The following DIAPH3 variants were observed in gnomAD, a reference collection of about 807,000 sequenced individuals.
The protein encoded by DIAPH3 is diaphanous related formin 3, also known as protein diaphanous homolog 3.
In DIAPH3, 117 loss-of-function variants were observed where a neutral mutation model predicts 144.3. That is an observed-to-expected ratio of 0.81 (90% CI 0.70 to 0.95). The LOEUF (loss-of-function observed/expected upper bound fraction) is 0.95. Among genes scored for constraint, DIAPH3 ranks in the 40% least tolerant of loss-of-function variants. DIAPH3 has a pLI of 0.00. For missense variants in DIAPH3, 1,421 were observed against 1,412.7 expected (o/e 1.01, Z -0.09); for synonymous variants, 519 against 488.9 (o/e 1.06, Z -0.81).
chr13:60,111,758 A>G (rs932280760), intron 3 of DIAPH3, among the ~76,000 whole-genome samples: 8 of 152,220 alleles, frequency 5.3e-5, no homozygotes, highest in Non-Finnish European at 8.8e-5. Context: ...ACTCAAGACA[A>G]AAATATACCG....
intron 4 of DIAPH3, among the ~76,000 whole-genome samples, chr13:60,045,009 T>C (rs964487763): frequency 3.3e-5 from 5 of 152,192 alleles, no homozygotes; most frequent in African/African-American, 9.6e-5. Context: ...TCCCCAGCCA[T>C]GTGAAACTGT....
At chr13:59,798,306 T>G (rs2039719109) in intron 25 of DIAPH3, among the ~76,000 whole-genome samples, 6 of 152,184 alleles carry the variant, frequency 3.9e-5, no homozygotes, top group Admixed American at 3.9e-4. Flanking sequence ...ATCATATCAC[T>G]GCTCTGTTTA....
At chr13:59,780,005 G>A (rs2038654686) in intron 25 of DIAPH3, among the ~76,000 whole-genome samples, 1 of 151,974 alleles carries the variant, frequency 6.6e-6, no homozygotes, top group South Asian at 2.1e-4. Context: ...ATGTTCACCT[G>A]GCATATGGTA....
intron 27 of DIAPH3, among the ~76,000 whole-genome samples, chr13:59,743,237 G>T (rs769887572): frequency 2.8e-4 from 43 of 152,328 alleles, no homozygotes; most frequent in Middle Eastern, 6.8e-3. Context: ...GAATGATTGG[G>T]ATGTTACTGC....
At chr13:59,945,152 T>A (rs1270773020) in intron 17 of DIAPH3, among the ~76,000 whole-genome samples, 3 of 152,060 alleles carry the variant, frequency 2.0e-5, no homozygotes, top group Non-Finnish European at 4.4e-5. Context: ...ACACCTCAAA[T>A]CTCATCTCCT....
intron 27 of DIAPH3, among the ~76,000 whole-genome samples, chr13:59,709,440 G>A (rs56333156): frequency 0.027 from 4,156 of 152,238 alleles, 86 homozygotes; most frequent in Non-Finnish European, 0.039. Context: ...CGAAGGACAT[G>A]AACAGACACT....
In DIAPH3 at chr13:59,839,377, C is replaced by A; in HGVS notation, c.2809G>T (p.Glu937Ter). ...RQLQQLEKEL[E>*]TFPPPEDLHD... is the part of the protein sequence containing the mutation. ...AAGTCCTCAGGAGGGGGAAAGGTTT[C>A]CAATTCCTTCTCAAGCTGTTGAAGC... Residue 937 changes from glutamate (E) to a stop codon, truncating the protein, a stop_gained, in exon 23 of 28, where the codon GAA (glutamate) becomes TAA (stop). Coordinates refer to ENST00000400324, the MANE Select transcript of DIAPH3 (RefSeq NM_001042517.2). LOFTEE classifies it high-confidence loss of function. 1.2e-6 allele frequency: 2 copies of A among 1,613,752 alleles called. No homozygotes were observed. Among genetic ancestry groups the A allele is most frequent in the South Asian group, 2.2e-5 (2 of 91,082 alleles).
chr13:59,686,588 G>A (rs986020499), intron 27 of DIAPH3, among the ~76,000 whole-genome samples: 1 of 151,240 alleles, frequency 6.6e-6, no homozygotes, highest in African/African-American at 2.4e-5. Flanking sequence ...ATGTGTTCAC[G>A]GACAAAACAT....
rs77119363 is a variant in DIAPH3 at position 59,815,191 on chromosome 13, A to G, written c.3028-4268T>C. Reference sequence around the variant, plus strand: ...GCAAAGTCACTTCTTTTGGATTTCAATTAGCACATGTGTGTTGCTTCATTT... The same window carrying G: ...GCAAAGTCACTTCTTTTGGATTTCAGTTAGCACATGTGTGTTGCTTCATTT... On this transcript the variant is annotated intron_variant, in intron 24 of 27. Coordinates refer to ENST00000400324, the MANE Select transcript of DIAPH3 (RefSeq NM_001042517.2). Among the ~76,000 whole-genome samples, 413 of 152,298 alleles carry G rather than the reference A, an allele frequency of 2.7e-3. 2 individuals carry two copies. The highest frequency in any genetic ancestry group is 4.6e-3 in the Non-Finnish European group (313 of 68,014).
At chr13:59,867,436 T>C (rs1357383600) in intron 21 of DIAPH3, among the ~76,000 whole-genome samples, 1 of 152,038 alleles carries the variant, frequency 6.6e-6, no homozygotes, top group Non-Finnish European at 1.5e-5. Context: ...TACTAAGGCA[T>C]ATAAATACTA....
chr13:59,927,658 C>G (rs974820327), intron 17 of DIAPH3, among the ~76,000 whole-genome samples: 1 of 152,218 alleles, frequency 6.6e-6, no homozygotes, highest in Admixed American at 6.5e-5. Flanking sequence ...CTGAGTAAAG[C>G]ATTCTTACCT....
Position 59,969,969 on chromosome 13 carries a change from C to T in DIAPH3, c.2049G>A (p.Glu683=), listed in dbSNP as rs372054806. 1.8e-4 allele frequency: 284 copies of T among 1,606,026 alleles called. No individual in the cohort carries two copies. The highest frequency in any genetic ancestry group is 2.3e-4 in the Non-Finnish European group (275 of 1,175,494). Reference sequence around the variant, plus strand: ...CTTTTTGTTGGCAACAAAATGTATTCTCAAGTTTACAAAGCAAATCCACGT... The same window carrying T: ...CTTTTTGTTGGCAACAAAATGTATTTTCAAGTTTACAAAGCAAATCCACGT... ...YENVDLLCKL[E]NTFCCQQKER... is the part of the protein sequence containing the mutation. The change falls in exon 17 of 28, where the codon GAG becomes GAA. Residue 683 remains glutamate (E), a synonymous_variant. Transcript: ENST00000400324.
chr13:59,962,610 C>T (rs1333953422), intron 17 of DIAPH3, among the ~76,000 whole-genome samples: 3 of 152,126 alleles, frequency 2.0e-5, no homozygotes, highest in Admixed American at 1.3e-4. Flanking sequence ...CCCTCACAGG[C>T]ATCATTTGTT....
In DIAPH3 at chr13:60,155,854, G is replaced by T. The variant is rs571314937; in HGVS notation, c.180+7733C>A. On this transcript the variant is annotated intron_variant, in intron 1 of 27. Transcript: ENST00000400324. ...GGTTTTGGTTGTTATTCCAGTGGTG[G>T]TTTATTTTTCTATTGTAATTTGGTT... is the stretch of plus-strand genomic sequence containing the variant. 2.6e-5 allele frequency among the ~76,000 whole-genome samples: 4 copies of T among 152,272 alleles called. No individual in the cohort carries two copies. In the East Asian group the frequency reaches 7.7e-4, roughly 29 times the overall value.
intron 5 of DIAPH3, among the ~76,000 whole-genome samples, chr13:60,020,352 A>G (rs1370155177): frequency 1.3e-5 from 2 of 152,136 alleles, no homozygotes; most frequent in African/African-American, 4.8e-5. Flanking sequence ...CAGAACTGTT[A>G]TTTGCCCATA....
intron 1 of DIAPH3, among the ~76,000 whole-genome samples, chr13:60,145,052 G>A (rs376040060): frequency 5.9e-5 from 9 of 152,220 alleles, no homozygotes; most frequent in South Asian, 2.1e-4. Context: ...GACACTTTGC[G>A]ATTACTAGTA....
chr13:59,981,355 A>G (rs1006223288), intron 13 of DIAPH3, among the ~76,000 whole-genome samples: 3 of 151,470 alleles, frequency 2.0e-5, no homozygotes, highest in Non-Finnish European at 3.0e-5. Context: ...AGTTGACATG[A>G]GGAAACCAAT....
intron 17 of DIAPH3, among the ~76,000 whole-genome samples, chr13:59,967,346 A>G (rs554671804): frequency 1.3e-5 from 2 of 152,094 alleles, no homozygotes; most frequent in South Asian, 4.2e-4. Flanking sequence ...AAATGCTGAG[A>G]TTACAGGCGG....
chr13:59,747,665 T>A (rs563306367), intron 27 of DIAPH3, among the ~76,000 whole-genome samples: 1 of 152,202 alleles, frequency 6.6e-6, no homozygotes, highest in South Asian at 2.1e-4. Flanking sequence ...CCAGACAAGA[T>A]TTCCTCTTGG....
Sources: allele counts gnomAD v4.1 joint callset (sites outside exome capture counted in the v4.1 genomes callset), GRCh38; gene constraint gnomAD v4.1.1; transcripts MANE v1.5; gene names NCBI Gene and HGNC (gene_info 2026-07-23, HGNC 2026-07-21).